ZNF560: variants seen among roughly 807,000 people sequenced by gnomAD.
The protein encoded by ZNF560 is zinc finger protein 560.
In ZNF560, 54 loss-of-function variants were observed where a neutral mutation model predicts 81.8. That is an observed-to-expected ratio of 0.66 (90% CI 0.53 to 0.83). The LOEUF is 0.83. Among genes scored for constraint, ZNF560 ranks in the 40% least tolerant of loss-of-function variants. The probability of loss-of-function intolerance (pLI) is 0.00; values close to 1 mark genes in which losing one functional copy is unlikely to be tolerated. For missense variants in ZNF560, 940 were observed against 932.4 expected (o/e 1.01, Z -0.11); for synonymous variants, 321 against 317.9 (o/e 1.01, Z -0.10).
downstream of ZNF560, among the ~76,000 whole-genome samples, chr19:9,462,875 G>A (rs750057133): frequency 2.6e-5 from 4 of 152,124 alleles, no homozygotes; most frequent in Non-Finnish European, 5.9e-5. Flanking sequence ...TCATCAAAGA[G>A]GAATCAGGGA....
chr19:9,454,822 C>CTGA, the ZNF560 span, among the ~76,000 whole-genome samples: 1 of 151,592 alleles, frequency 6.6e-6, no homozygotes, highest in South Asian at 2.1e-4. Context: ...GCTTTTCACA[C>CTGA]TGATGATGAG....
At chr19:9,481,923 G>C (rs1024172062) in intron 2 of ZNF560, among the ~76,000 whole-genome samples, 1 of 152,070 alleles carries the variant, frequency 6.6e-6, no homozygotes, top group Non-Finnish European at 1.5e-5. Flanking sequence ...CCCATTACTG[G>C]GTATATACCC....
downstream of ZNF560, among the ~76,000 whole-genome samples, chr19:9,465,744 C>A (rs976551245): frequency 5.3e-5 from 8 of 152,088 alleles, no homozygotes; most frequent in African/African-American, 1.9e-4. Context: ...TGTAATTCTA[C>A]CACTTTGGGA....
the ZNF560 span, among the ~76,000 whole-genome samples, chr19:9,505,905 C>A: frequency 6.6e-6 from 1 of 152,094 alleles, no homozygotes; most frequent in African/African-American, 2.4e-5. Flanking sequence ...CTCATGTGAT[C>A]TGCCCACCTC....
chr19:9,478,882 G>A (rs919853913), intron 2 of ZNF560, among the ~76,000 whole-genome samples: 3 of 151,998 alleles, frequency 2.0e-5, no homozygotes, highest in African/African-American at 4.8e-5. Context: ...AAAACTTAAC[G>A]AGCCAGGTGC....
chr19:9,487,046 T>A (rs1277271376), intron 2 of ZNF560, among the ~76,000 whole-genome samples: 1 of 123,540 alleles, frequency 8.1e-6, no homozygotes, highest in Non-Finnish European at 1.7e-5. Context: ...CTTTACCTAT[T>A]TAGGAAAGTT....
the ZNF560 span, among the ~76,000 whole-genome samples, chr19:9,459,538 GA>G: frequency 6.6e-6 from 1 of 152,124 alleles, no homozygotes; most frequent in Non-Finnish European, 1.5e-5. Context: ...AAGTATGGCA[GA>G]GTCAAAGGAA....
At chr19:9,504,219 G>C in the ZNF560 span, among the ~76,000 whole-genome samples, 1 of 152,240 alleles carries the variant, frequency 6.6e-6, no homozygotes, top group South Asian at 2.1e-4. Context: ...TGGATCATTT[G>C]AGGTCAGGAG....
rs775696266 is a variant in ZNF560 at position 9,469,171 on chromosome 19, C to G, written c.546G>C (p.Leu182=). ...PRVLQEWKMC[L]KTKGPALWQD... ...GCCAAAGGGCTGGCCCTTTGGTTTT[C>G]AGGCACATTTTCCATTCTGAAATAA... The change falls in exon 9 of 10, where the codon CTG becomes CTC. Residue 182 remains leucine, a synonymous_variant. Transcript: ENST00000301480. 3 of 1,594,636 alleles carry G rather than the reference C, an allele frequency of 1.9e-6. No homozygotes were observed. In the East Asian group the frequency reaches 6.7e-5, roughly 36 times the overall value.
Position 9,467,257 on chromosome 19 carries a change from G to A in ZNF560, c.1690C>T (p.Arg564Ter), listed in dbSNP as rs368814423. 2.3e-5 allele frequency: 37 copies of A among 1,613,932 alleles called. No individual in the cohort carries two copies. Among genetic ancestry groups the A allele is most frequent in the Non-Finnish European group, 3.0e-5 (35 of 1,180,002 alleles). ...TAGGGTTTCTCTCCAGCGTGTGTTC[G>A]TAAATGTTTGGTAAGATATGAGCAC... ...TKCSYLTKHL[R>*]THAGEKPYEC... The change falls in exon 10 of 10, where the codon CGA (arginine) becomes TGA (stop). Residue 564 changes from arginine to a stop codon, truncating the protein, a stop_gained. Transcript: ENST00000301480. LOFTEE classifies it high-confidence loss of function.
intron 2 of ZNF560, among the ~76,000 whole-genome samples, chr19:9,493,014 G>A (rs1333991510): frequency 1.3e-5 from 2 of 152,174 alleles, no homozygotes; most frequent in Non-Finnish European, 2.9e-5. Flanking sequence ...AAGGAGGTGA[G>A]AGGGTATAAT....
In ZNF560 at chr19:9,496,374, A is replaced by AAT. The variant is rs1351075365; in HGVS notation, c.-57+1752_-57+1753dup. 1.4e-4 allele frequency among the ~76,000 whole-genome samples: 21 copies of AAT among 151,384 alleles called. No individual in the cohort carries two copies. In the South Asian group the frequency reaches 4.2e-3, roughly 30 times the overall value. On this transcript the variant is annotated intron_variant, in intron 2 of 9. Transcript: ENST00000301480. ...AAACAAAAAACAAAAAAACCCCGCAAATATATATATATTTTTGTATTTTGT... is the reference window on the plus strand; with the variant it reads ...AAACAAAAAACAAAAAAACCCCGCAAATATATATATATATTTTTGTATTTTGT...
At chr19:9,476,767 C>T (rs902007664) in intron 2 of ZNF560, among the ~76,000 whole-genome samples, 14 of 152,150 alleles carry the variant, frequency 9.2e-5, no homozygotes, top group African/African-American at 3.4e-4. Context: ...GTTAATTAAA[C>T]CTCTTTTCTT....
downstream of ZNF560, among the ~76,000 whole-genome samples, chr19:9,465,939 A>G (rs189938695): frequency 6.6e-6 from 1 of 152,242 alleles, no homozygotes; most frequent in Non-Finnish European, 1.5e-5. Flanking sequence ...GGTTGCAGTG[A>G]GCCGAGATCA....
upstream of ZNF560, among the ~76,000 whole-genome samples, chr19:9,499,842 A>G (rs1308037362): frequency 1.3e-5 from 2 of 152,196 alleles, no homozygotes; most frequent in Non-Finnish European, 2.9e-5. Flanking sequence ...ACTTATTTGT[A>G]AAAGGGATCA....
At chr19:9,455,897 G>A in the ZNF560 span, among the ~76,000 whole-genome samples, 5 of 151,684 alleles carry the variant, frequency 3.3e-5, no homozygotes, top group African/African-American at 4.8e-5. Flanking sequence ...TCAACTGCAG[G>A]AAACATGGGC....
the ZNF560 span, among the ~76,000 whole-genome samples, chr19:9,447,813 T>C: frequency 6.6e-6 from 1 of 151,966 alleles, no homozygotes; most frequent in Non-Finnish European, 1.5e-5. Context: ...TTTAAGAAAA[T>C]TTCCCTAATT....
At chr19:9,457,404 G>T in the ZNF560 span, among the ~76,000 whole-genome samples, 1 of 152,204 alleles carries the variant, frequency 6.6e-6, no homozygotes, top group Non-Finnish European at 1.5e-5. Context: ...ACAACTTGCA[G>T]GCTGCTAAGC....
chr19:9,495,804 A>C (rs981955041), intron 2 of ZNF560, among the ~76,000 whole-genome samples: 1 of 152,356 alleles, frequency 6.6e-6, no homozygotes, highest in East Asian at 1.9e-4. Context: ...ACTGAACAAG[A>C]CACTGACTTT....
Sources: gnomAD v4.1 joint callset for allele counts (sites outside exome capture counted in the v4.1 genomes callset) on GRCh38, gnomAD v4.1.1 for gene constraint, MANE v1.5 for transcripts, NCBI Gene and HGNC (gene_info 2026-07-23, HGNC 2026-07-21) for gene names.